The following GPAT3 variants were observed in gnomAD, a reference collection of about 807,000 sequenced individuals.
The protein encoded by GPAT3 is glycerol-3-phosphate acyltransferase 3.
A neutral mutation model predicts 58.8 loss-of-function variants in GPAT3; 53 were observed. That is an observed-to-expected ratio of 0.90 (90% CI 0.72 to 1.13). The LOEUF is 1.13. Ranked by LOEUF, GPAT3 falls within the 50% of genes most tolerant of loss-of-function variation. The probability of loss-of-function intolerance (pLI) is 0.00; values close to 1 mark genes in which losing one functional copy is unlikely to be tolerated. For missense variants in GPAT3, 511 were observed against 527.6 expected (o/e 0.97, Z 0.31); for synonymous variants, 197 against 187.4 (o/e 1.05, Z -0.42).
At chr4:83,561,709 C>T (rs1038991570) in intron 2 of GPAT3, among the ~76,000 whole-genome samples, 5 of 151,570 alleles carry the variant, frequency 3.3e-5, no homozygotes, top group African/African-American at 1.2e-4. Context: ...GATAAAGAAG[C>T]ATGTTTATCA....
intron 2 of GPAT3, among the ~76,000 whole-genome samples, chr4:83,573,021 A>G (rs867623770): frequency 6.6e-6 from 1 of 152,232 alleles, no homozygotes; most frequent in African/African-American, 2.4e-5. Flanking sequence ...ACATATTAAC[A>G]TATCTAGTGA....
chr4:83,568,158 A>G (rs927086308), intron 2 of GPAT3, among the ~76,000 whole-genome samples: 21 of 152,014 alleles, frequency 1.4e-4, no homozygotes, highest in African/African-American at 5.1e-4. Context: ...ACCCTGTTTC[A>G]CATTAAAAAA....
chr4:83,557,692 T>G (rs1578169826), intron 2 of GPAT3, among the ~76,000 whole-genome samples: 2 of 152,254 alleles, frequency 1.3e-5, no homozygotes, highest in Middle Eastern at 3.4e-3. Context: ...TGTTTTGGAG[T>G]TGGCCTTTGC....
intron 2 of GPAT3, among the ~76,000 whole-genome samples, chr4:83,548,845 G>A (rs1724639795): frequency 6.6e-6 from 1 of 152,120 alleles, no homozygotes; most frequent in African/African-American, 2.4e-5. Flanking sequence ...ACTCAAAAAG[G>A]AGAAGGTACT....
At position 83,596,905 on chromosome 4, in the gene GPAT3, T is replaced by C. The variant is rs1239186475; in HGVS notation, c.902T>C (p.Phe301Ser). 1.2e-6 allele frequency: 2 copies of C among 1,600,956 alleles called. No homozygotes were observed. Among genetic ancestry groups the C allele is most frequent in the East Asian group, 2.2e-5 (1 of 44,800 alleles). Reference protein sequence around the residue: ...ADKKKLPILIFPEGTCINNTS... With the variant: ...ADKKKLPILISPEGTCINNTS... ...AAGAAGAAACTACCCATACTAATTT[T>C]TCCTGAAGGTAAGAATGGGCCTGCC... The change falls in exon 8 of 12, where the codon TTT becomes TCT. Residue 301 changes from phenylalanine (F) to serine (S), a missense_variant. Coordinates refer to ENST00000264409, the MANE Select transcript of GPAT3 (RefSeq NM_032717.5).
chr4:83,596,479 G>C (rs1726842796), intron 7 of GPAT3, among the ~76,000 whole-genome samples: 1 of 152,100 alleles, frequency 6.6e-6, no homozygotes, highest in Admixed American at 6.6e-5. Context: ...AAACTTAGCA[G>C]GGTGTAGTGG....
At chr4:83,582,659 T>C (rs970589180) in intron 3 of GPAT3, among the ~76,000 whole-genome samples, 1 of 152,226 alleles carries the variant, frequency 6.6e-6, no homozygotes, top group African/African-American at 2.4e-5. Context: ...GGCACATGAA[T>C]TGAAATCTTT....
intron 2 of GPAT3, among the ~76,000 whole-genome samples, chr4:83,572,449 C>T (rs1725642498): frequency 1.3e-5 from 2 of 152,072 alleles, no homozygotes; most frequent in South Asian, 2.1e-4. Flanking sequence ...CCAAATTCAA[C>T]AGTTATCAAG....
intron 6 of GPAT3, among the ~76,000 whole-genome samples, chr4:83,591,757 A>G (rs1726609350): frequency 6.6e-6 from 1 of 152,142 alleles, no homozygotes; most frequent in Admixed American, 6.5e-5. Context: ...CTGAGATTTT[A>G]TTATAGATGA....
At chr4:83,565,001 A>G (rs979771421) in intron 2 of GPAT3, among the ~76,000 whole-genome samples, 8 of 151,140 alleles carry the variant, frequency 5.3e-5, no homozygotes, top group African/African-American at 1.7e-4. Flanking sequence ...CCAGATGTCT[A>G]TCTAGTTGTC....
At chr4:83,556,097 G>A (rs1279528545) in intron 2 of GPAT3, among the ~76,000 whole-genome samples, 7 of 152,134 alleles carry the variant, frequency 4.6e-5, no homozygotes, top group African/African-American at 2.4e-5. Flanking sequence ...ATACATAAAT[G>A]CCAAACCACA....
Position 83,536,518 on chromosome 4 carries a change from C to G in GPAT3, c.-105C>G, listed in dbSNP as rs1376274853. On this transcript the variant is annotated 5_prime_UTR_variant, in exon 1 of 12. Transcript: ENST00000264409. The stretch of plus-strand genomic sequence containing the variant: ...TCCCTTCGCAGAGGTGAGTGCCGGG[C>G]TCGGCGCTCTGCTCCTGGAGCTCCC... The G allele has an allele frequency of 1.3e-6, 2 of 1,511,014 alleles. No individual in the cohort carries two copies. The highest frequency in any genetic ancestry group is 1.8e-6 in the Non-Finnish European group (2 of 1,133,062). The allele number at this position is 1,511,014 out of a possible 1,614,324, so 93.6% of individuals were successfully genotyped here.
intron 2 of GPAT3, among the ~76,000 whole-genome samples, chr4:83,558,421 G>T (rs1334390380): frequency 6.6e-6 from 1 of 152,180 alleles, no homozygotes; most frequent in Admixed American, 6.6e-5. Flanking sequence ...AACCTAAAAA[G>T]ATGCTGCAGT....
At chr4:83,601,998 A>C (rs890595752) in intron 11 of GPAT3, among the ~76,000 whole-genome samples, 1 of 152,186 alleles carries the variant, frequency 6.6e-6, no homozygotes, top group African/African-American at 2.4e-5. Flanking sequence ...AAGACTAAAC[A>C]TTTGTATTAC....
intron 3 of GPAT3, among the ~76,000 whole-genome samples, chr4:83,582,115 A>G (rs775748030): frequency 3.3e-5 from 5 of 151,962 alleles, no homozygotes; most frequent in Non-Finnish European, 7.3e-5. Context: ...AGAAAAGGGA[A>G]GTGAAGAAGA....
chr4:83,576,628 A>C (rs1725830677), intron 2 of GPAT3, among the ~76,000 whole-genome samples: 1 of 151,982 alleles, frequency 6.6e-6, no homozygotes, highest in South Asian at 2.1e-4. Flanking sequence ...AATTTTTATT[A>C]GAGATGGGAT....
intron 2 of GPAT3, among the ~76,000 whole-genome samples, chr4:83,548,443 A>G (rs1724626218): frequency 6.6e-6 from 1 of 152,216 alleles, no homozygotes; most frequent in Admixed American, 6.5e-5. Flanking sequence ...TGTGATTAAT[A>G]TTAGTAATTA....
At chr4:83,581,423 A>T in intron 2 of GPAT3, 139 bp from the exon 3 acceptor site, 1 of 876,182 alleles carries the variant, frequency 1.1e-6, no homozygotes, top group East Asian at 2.5e-5. Flanking sequence ...TTTGTCTCTT[A>T]CTTCTGAAGA....
intron 2 of GPAT3, among the ~76,000 whole-genome samples, chr4:83,557,772 T>C (rs977254806): frequency 1.8e-4 from 28 of 152,154 alleles, no homozygotes; most frequent in Middle Eastern, 6.8e-3. Context: ...TAACTGAGAG[T>C]TGGGGAACAT....
Sources: allele counts gnomAD v4.1 joint callset (sites outside exome capture counted in the v4.1 genomes callset), GRCh38; gene constraint gnomAD v4.1.1; transcripts MANE v1.5; gene names NCBI Gene and HGNC (gene_info 2026-07-23, HGNC 2026-07-21).